The following DENND5B variants were observed in gnomAD, a reference collection of about 807,000 sequenced individuals.
The protein encoded by DENND5B is DENN domain containing 5B.
A neutral mutation model predicts 140.6 loss-of-function variants in DENND5B; 34 were observed. The ratio of observed to expected loss-of-function variants is 0.24; its 90% CI spans 0.18 to 0.32. The LOEUF (loss-of-function observed/expected upper bound fraction) is 0.32, where lower values mean the gene tolerates loss of function less well. Ranked by LOEUF, DENND5B falls within the 10% of genes least tolerant of loss-of-function variation. The pLI, the probability that DENND5B is intolerant of heterozygous loss-of-function variation, is 1.00. For synonymous variants in DENND5B, 551 were observed against 562.1 expected (o/e 0.98, Z 0.28); for missense variants, 1,142 against 1,560.2 (o/e 0.73, Z 4.52).
intron 1 of DENND5B, among the ~76,000 whole-genome samples, chr12:31,576,038 G>A (rs979454235): frequency 6.6e-6 from 1 of 151,716 alleles, no homozygotes. Flanking sequence ...CTACTCAAGA[G>A]GCTGAAGTGG....
At chr12:31,582,616 TTCTAAA>T in intron 1 of DENND5B, among the ~76,000 whole-genome samples, 2 of 152,278 alleles carry the variant, frequency 1.3e-5, no homozygotes, top group African/African-American at 4.8e-5. Flanking sequence ...ATATATAATC[TTCTAAA>T]TCTAAATCTG....
chr12:31,474,684 A>C (rs139192424), intron 3 of DENND5B, among the ~76,000 whole-genome samples: 2,085 of 152,302 alleles, frequency 0.014, 20 homozygotes, highest in Non-Finnish European at 0.019. Flanking sequence ...TAGCTTTATC[A>C]GTGAGTAAGA....
intron 1 of DENND5B, among the ~76,000 whole-genome samples, chr12:31,515,946 G>A (rs117592928): frequency 0.02 from 3,119 of 152,208 alleles, 56 homozygotes; most frequent in South Asian, 0.052. Context: ...ATAGCACAAT[G>A]GAGAGGCTTT....
intron 4 of DENND5B, among the ~76,000 whole-genome samples, chr12:31,453,513 T>A (rs1944631974): frequency 6.6e-6 from 1 of 152,166 alleles, no homozygotes; most frequent in African/African-American, 2.4e-5. Context: ...GGTTGTTAGT[T>A]AAAAAGAAGG....
chr12:31,573,509 T>C (rs1949894488), intron 1 of DENND5B, among the ~76,000 whole-genome samples: 1 of 152,258 alleles, frequency 6.6e-6, no homozygotes, highest in Non-Finnish European at 1.5e-5. Flanking sequence ...AAGGTATGTC[T>C]ACTTCATGGC....
chr12:31,484,350 T>C (rs1195569564), intron 2 of DENND5B, among the ~76,000 whole-genome samples: 2 of 152,078 alleles, frequency 1.3e-5, no homozygotes, highest in African/African-American at 2.4e-5. Context: ...AATGATCAAT[T>C]GAGAGTAATC....
At chr12:31,521,777 T>A (rs1239290548) in intron 1 of DENND5B, among the ~76,000 whole-genome samples, 1 of 152,208 alleles carries the variant, frequency 6.6e-6, no homozygotes. Context: ...CATGCCTTAG[T>A]TTAGGTACAC....
At chr12:31,559,272 G>C (rs566557600) in intron 1 of DENND5B, among the ~76,000 whole-genome samples, 7 of 152,240 alleles carry the variant, frequency 4.6e-5, no homozygotes, top group African/African-American at 1.7e-4. Flanking sequence ...CAAACTCAAA[G>C]ACAAGCTTAC....
chr12:31,499,474 G>C, intron 1 of DENND5B: 1 of 611,572 alleles, frequency 1.6e-6, no homozygotes, highest in African/African-American at 1.9e-5. Context: ...GCAGATGAGA[G>C]AAGAGAAACA....
At chr12:31,487,479 C>T (rs1946353997) in intron 2 of DENND5B, among the ~76,000 whole-genome samples, 3 of 152,114 alleles carry the variant, frequency 2.0e-5, no homozygotes. Context: ...GGGTGGATTG[C>T]CTGAGCTCAG....
chr12:31,540,519 T>G (rs1948649813), intron 1 of DENND5B, among the ~76,000 whole-genome samples: 1 of 151,796 alleles, frequency 6.6e-6, no homozygotes, highest in Admixed American at 6.6e-5. Flanking sequence ...CCAGGTGAGG[T>G]GGCGACTACC....
At chr12:31,546,667 C>A (rs1027181754) in intron 1 of DENND5B, among the ~76,000 whole-genome samples, 8 of 152,120 alleles carry the variant, frequency 5.3e-5, no homozygotes, top group Non-Finnish European at 7.3e-5. Flanking sequence ...GCCTGGGAGA[C>A]AGAGCGAGAC....
intron 14 of DENND5B, among the ~76,000 whole-genome samples, chr12:31,404,759 CTT>C (rs71062425): frequency 4.1e-5 from 3 of 74,064 alleles, no homozygotes; most frequent in South Asian, 5.7e-4. Flanking sequence ...CGACCTCTAG[CTT>C]TTTTTTTTTT....
intron 7 of DENND5B, among the ~76,000 whole-genome samples, chr12:31,439,081 G>GTAATTAATTTA (rs1330085105): frequency 3.3e-5 from 5 of 152,206 alleles, no homozygotes; most frequent in Non-Finnish European, 7.3e-5. Context: ...GTCTTGTTAA[G>GTAATTAATTTA]TAATTAATTT....
chr12:31,399,077 G>A (rs1197073127), intron 16 of DENND5B, among the ~76,000 whole-genome samples: 1 of 137,556 alleles, frequency 7.3e-6, no homozygotes, highest in Non-Finnish European at 1.5e-5. Context: ...AGCCGAGATT[G>A]CGCCATTGCA....
intron 1 of DENND5B, among the ~76,000 whole-genome samples, chr12:31,555,584 C>T (rs1482415559): frequency 2.6e-5 from 4 of 152,212 alleles, no homozygotes; most frequent in Non-Finnish European, 5.9e-5. Context: ...TCAAAGCTGT[C>T]AGAGAGGGAC....
chr12:31,540,715 A>T (rs1385791830), intron 1 of DENND5B, among the ~76,000 whole-genome samples: 1 of 151,176 alleles, frequency 6.6e-6, no homozygotes, highest in Non-Finnish European at 1.5e-5. Flanking sequence ...CCTAAAATTT[A>T]CATGGAACCA....
chr12:31,507,163 A>G (rs573754161), intron 1 of DENND5B, among the ~76,000 whole-genome samples: 1 of 152,142 alleles, frequency 6.6e-6, no homozygotes, highest in African/African-American at 2.4e-5. Context: ...GGAAACACAG[A>G]CAAAGACCAG....
intron 1 of DENND5B, among the ~76,000 whole-genome samples, chr12:31,571,763 C>T (rs1266712750): frequency 3.3e-5 from 5 of 152,164 alleles, no homozygotes; most frequent in Non-Finnish European, 7.3e-5. Context: ...GGAGCCACCA[C>T]GCCCGGCTAA....
Sources: gnomAD v4.1 joint callset for allele counts (sites outside exome capture counted in the v4.1 genomes callset) on GRCh38, gnomAD v4.1.1 for gene constraint, MANE v1.5 for transcripts, NCBI Gene and HGNC (gene_info 2026-07-23, HGNC 2026-07-21) for gene names.